COL23A1: variants seen among roughly 807,000 people sequenced by gnomAD.
The protein encoded by COL23A1 is collagen type XXIII alpha 1 chain, also known as collagen alpha-1(XXIII) chain.
A neutral mutation model predicts 99.3 loss-of-function variants in COL23A1; 97 were observed. That is an observed-to-expected ratio of 0.98 (90% CI 0.83 to 1.16). The LOEUF (loss-of-function observed/expected upper bound fraction) is 1.16. COL23A1 is among the 50% of genes most tolerant of loss of function. The probability of loss-of-function intolerance (pLI) is 0.00; values close to 1 mark genes in which losing one functional copy is unlikely to be tolerated. For synonymous variants in COL23A1, 320 were observed against 308.2 expected, an observed-to-expected ratio of 1.04 and a Z score of -0.40; for missense variants, 762 against 757.4, an observed-to-expected ratio of 1.01 and a Z score of -0.07.
At chr5:178,555,596 T>C (rs1384675264) in intron 2 of COL23A1, among the ~76,000 whole-genome samples, 6 of 152,172 alleles carry the variant, frequency 3.9e-5, no homozygotes, top group Non-Finnish European at 8.8e-5. Flanking sequence ...TTTCGCTTTA[T>C]TAGTGCAGGG....
chr5:178,297,061 A>G (rs1757785648), intron 3 of COL23A1, among the ~76,000 whole-genome samples: 1 of 152,172 alleles, frequency 6.6e-6, no homozygotes, highest in Admixed American at 6.5e-5. Context: ...CCAGTCTCCA[A>G]TGCCCTTGGG....
At chr5:178,424,329 T>C (rs1561959593) in intron 2 of COL23A1, among the ~76,000 whole-genome samples, 1 of 152,236 alleles carries the variant, frequency 6.6e-6, no homozygotes, top group African/African-American at 2.4e-5. Flanking sequence ...TGGAATGTCG[T>C]GTGAATGTGA....
Position 178,258,262 on chromosome 5 carries a change from T to TATATATATATACACATACAC in COL23A1, c.730-696_730-695insGTGTATGTGTATATATATAT. Among the ~76,000 whole-genome samples the TATATATATATACACATACAC allele has an allele frequency of 1.9e-5, 2 of 104,066 alleles. 1 individual carries two copies. The highest frequency in any genetic ancestry group is 4.5e-5 in the Non-Finnish European group (2 of 44,836). The allele number at this position is 104,066 out of a possible 152,430, so 68.3% of individuals were successfully genotyped here. A position where few individuals can be genotyped will look rare whatever the true frequency, so the allele number is the denominator to read the frequency against. On this transcript the variant is annotated intron_variant, in intron 12 of 28. Coordinates refer to ENST00000390654, the MANE Select transcript of COL23A1 (RefSeq NM_173465.4). The stretch of plus-strand genomic sequence containing the variant: ...ATATATATATATATATATATATATA[T>TATATATATATACACATACAC]ACACATGCAAATCAATTCTAGGCAC...
At chr5:178,560,778 C>G (rs563547973) in intron 1 of COL23A1, 30 bp from the exon 2 acceptor site, 1 of 1,581,306 alleles carries the variant, frequency 6.3e-7, no homozygotes, top group South Asian at 1.2e-5. Context: ...AGAAAAAAAA[C>G]GAGGAGAGAA....
intron 7 of COL23A1, among the ~76,000 whole-genome samples, 163 bp from the exon 8 acceptor site, chr5:178,267,496 G>C (rs1205221893): frequency 1.3e-5 from 2 of 152,206 alleles, no homozygotes. Context: ...CGAGGAAGCA[G>C]ACACAGTGAG....
intron 2 of COL23A1, among the ~76,000 whole-genome samples, chr5:178,543,883 GCCTGCAGATTCAGC>G (rs1761435031): frequency 6.6e-6 from 1 of 152,118 alleles, no homozygotes; most frequent in Admixed American, 6.5e-5. Context: ...GCTGTAAGGC[GCCTGCAGATTCAGC>G]GTCTGGTGAG....
Position 178,306,768 on chromosome 5 carries a change from A to G in COL23A1, c.406+107T>C. ...GGGGAGGAGCACCTGCCCAGGACCA[A>G]GGCATGACTCAGGGTGGGCAGCAGG... On this transcript the variant is annotated intron_variant, in intron 3 of 28. Transcript: ENST00000390654. This position sits in a 1 kb window ranked among gnomAD's most constrained non-coding sequence, Gnocchi z 4.1. 1 of 802,838 alleles carries G rather than the reference A, an allele frequency of 1.2e-6. No individual in the cohort carries two copies. The highest frequency in any genetic ancestry group is 1.8e-6 in the Non-Finnish European group (1 of 543,386). 49.7% of individuals were successfully genotyped at this position (802,838 alleles called of 1,614,324 possible). A position where few individuals can be genotyped will look rare whatever the true frequency, so the allele number is the denominator to read the frequency against.
In COL23A1 at chr5:178,308,075, G is replaced by A. The variant is rs770362649; in HGVS notation, c.362-1156C>T. ...TATGTGTGTTTGTGTGCATGTGTGTGTCTGTGTTTTTGTGTCTGTGTTTCT... is the reference window on the plus strand; with the variant it reads ...TATGTGTGTTTGTGTGCATGTGTGTATCTGTGTTTTTGTGTCTGTGTTTCT... On this transcript the variant is annotated intron_variant, in intron 2 of 28. Transcript: ENST00000390654. The surrounding 1 kb of genome is among the most constrained non-coding windows in gnomAD (Gnocchi z 5.1). Among the ~76,000 whole-genome samples, 1 of 151,514 alleles carries A rather than the reference G, an allele frequency of 6.6e-6. No individual in the cohort carries two copies. The highest frequency in any genetic ancestry group is 1.5e-5 in the Non-Finnish European group (1 of 68,010).
rs1056553622 is a variant in COL23A1, at chr5:178,307,421, A to G, written c.362-502T>C. ...GAAATCCACTCATGACAGGCACTAC[A>G]CGATCCGCCTGCAGTCTCCGCCACT... On this transcript the variant is annotated intron_variant, in intron 2 of 28. Coordinates refer to ENST00000390654, the MANE Select transcript of COL23A1 (RefSeq NM_173465.4). This position sits in a 1 kb window ranked among gnomAD's most constrained non-coding sequence, Gnocchi z 4.2. 7.2e-5 allele frequency among the ~76,000 whole-genome samples: 11 copies of G among 152,214 alleles called. No individual in the cohort carries two copies. The highest frequency in any genetic ancestry group is 3.9e-4 in the Admixed American group (6 of 15,286).
At chr5:178,567,697 C>T (rs1408149084) in intron 1 of COL23A1, among the ~76,000 whole-genome samples, 1 of 152,154 alleles carries the variant, frequency 6.6e-6, no homozygotes, top group East Asian at 1.9e-4. Context: ...TGCCACTGCA[C>T]TCCAGCCTGA....
At chr5:178,322,454 C>T (rs562365462) in intron 2 of COL23A1, among the ~76,000 whole-genome samples, 2 of 152,294 alleles carry the variant, frequency 1.3e-5, no homozygotes, top group African/African-American at 4.8e-5. Flanking sequence ...CATCTGTTCC[C>T]TTGTGAACAG....
At position 178,255,134 on chromosome 5, in the gene COL23A1, T is replaced by TGGGTGA; in HGVS notation, c.883-109_883-108insTCACCC. Reference sequence around the variant, plus strand: ...CCAGAGAGAAAGCAATGGAAGAGCCTCGTCACCCAGGCTGCACGCATGCCC... The same window carrying TGGGTGA: ...CCAGAGAGAAAGCAATGGAAGAGCCTGGGTGACGTCACCCAGGCTGCACGCATGCCC... On this transcript the variant is annotated intron_variant, in intron 15 of 28. Coordinates refer to ENST00000390654, the MANE Select transcript of COL23A1 (RefSeq NM_173465.4). This position sits in a 1 kb window ranked among gnomAD's most constrained non-coding sequence, Gnocchi z 4.2. 2.1e-6 allele frequency: 2 copies of TGGGTGA among 932,252 alleles called. No individual in the cohort carries two copies. The highest frequency in any genetic ancestry group is 3.4e-6 in the Non-Finnish European group (2 of 581,266). 57.7% of individuals were successfully genotyped at this position (932,252 alleles called of 1,614,324 possible).
Position 178,365,635 on chromosome 5 carries a change from G to T in COL23A1, c.362-58716C>A, listed in dbSNP as rs1236421748. ...TCACCCCACGGCCCGCCCAGCACCC[G>T]CCAGGCATGCAGTGGCCCCTCTCTT... On this transcript the variant is annotated intron_variant, in intron 2 of 28. Coordinates refer to ENST00000390654, the MANE Select transcript of COL23A1 (RefSeq NM_173465.4). The surrounding 1 kb of genome is among the most constrained non-coding windows in gnomAD (Gnocchi z 5.2). 6.6e-6 allele frequency among the ~76,000 whole-genome samples: 1 copy of T among 152,112 alleles called. No homozygotes were observed. The highest frequency in any genetic ancestry group is 1.5e-5 in the Non-Finnish European group (1 of 68,002).
intron 2 of COL23A1, among the ~76,000 whole-genome samples, chr5:178,354,578 G>A (rs556251072): frequency 2.0e-5 from 3 of 152,044 alleles, no homozygotes; most frequent in Non-Finnish European, 4.4e-5. Flanking sequence ...GTTCTCGTGC[G>A]ATCTGGCTGT....
In COL23A1 at chr5:178,294,541, C is replaced by T. The variant is rs141076315; in HGVS notation, c.407-4172G>A. On this transcript the variant is annotated intron_variant, in intron 3 of 28. Transcript: ENST00000390654. ...TCACTACCGAGCTCCTTCCCCAGTG[C>T]CCCACACCTGAGCCTCTGGAAACAG... Among the ~76,000 whole-genome samples the T allele has an allele frequency of 6.9e-4, 104 of 151,048 alleles. 2 individuals are homozygous for T. The highest frequency in any genetic ancestry group is 2.3e-3 in the African/African-American group (92 of 40,700).
intron 2 of COL23A1, among the ~76,000 whole-genome samples, chr5:178,493,741 C>T (rs985210468): frequency 2.6e-5 from 4 of 152,236 alleles, no homozygotes; most frequent in African/African-American, 7.2e-5. Flanking sequence ...AGTGGCTGCA[C>T]GCAAAAGATT....
intron 3 of COL23A1, among the ~76,000 whole-genome samples, chr5:178,296,752 C>T (rs568961184): frequency 4.6e-5 from 7 of 152,140 alleles, no homozygotes; most frequent in Admixed American, 3.3e-4. Context: ...GGAATGGCAG[C>T]GTTCCGGAGA....
chr5:178,332,712 TA>T (rs1215171577), intron 2 of COL23A1, among the ~76,000 whole-genome samples: 2 of 152,024 alleles, frequency 1.3e-5, no homozygotes, highest in African/African-American at 2.4e-5. Flanking sequence ...AAGTCACCTT[TA>T]TTAGAAAAAA....
At chr5:178,347,871 C>T (rs1761066338) in intron 2 of COL23A1, among the ~76,000 whole-genome samples, 2 of 126,020 alleles carry the variant, frequency 1.6e-5, no homozygotes, top group African/African-American at 3.2e-5. Flanking sequence ...CAGAGCAAGA[C>T]TCTGTCTCAA....
Sources: allele counts gnomAD v4.1 joint callset (sites outside exome capture counted in the v4.1 genomes callset), GRCh38; gene constraint gnomAD v4.1.1; non-coding constraint Gnocchi (gnomAD v3.1); transcripts MANE v1.5; gene names NCBI Gene and HGNC (gene_info 2026-07-23, HGNC 2026-07-21).